Variants in MYO1D observed in about 807,000 individuals in gnomAD.
The protein encoded by MYO1D is unconventional myosin-Id.
In MYO1D, 83 loss-of-function variants were observed where a neutral mutation model predicts 122.0. That is an observed-to-expected ratio of 0.68 (90% CI 0.57 to 0.82). The LOEUF is 0.82. Ranked by LOEUF, MYO1D falls within the 40% of genes least tolerant of loss-of-function variation. The pLI is 0.00. For synonymous variants in MYO1D, 464 were observed against 446.9 expected, an observed-to-expected ratio of 1.04 and a Z score of -0.48; for missense variants, 1,157 against 1,269.5, an observed-to-expected ratio of 0.91 and a Z score of 1.35.
chr17:32,548,277 A>T lies in MYO1D; in HGVS notation c.2865-53362T>A, dbSNP rs2086981493. Among the ~76,000 whole-genome samples the T allele has an allele frequency of 2.0e-5, 3 of 151,832 alleles. No individual in the cohort carries two copies. In the South Asian group the frequency reaches 6.2e-4, roughly 32 times the overall value. ...TTTTTGTCTCTACAAAAAATACAAAAAATTAACTGGGCATGGTGGTGCACG... is the reference window on the plus strand; with the variant it reads ...TTTTTGTCTCTACAAAAAATACAAATAATTAACTGGGCATGGTGGTGCACG... On this transcript the variant is annotated intron_variant, in intron 21 of 21. Coordinates refer to ENST00000318217, the MANE Select transcript of MYO1D (RefSeq NM_015194.3).
chr17:32,856,989 G>A (rs1183044182), intron 1 of MYO1D, among the ~76,000 whole-genome samples: 1 of 152,188 alleles, frequency 6.6e-6, no homozygotes, highest in East Asian at 1.9e-4. Flanking sequence ...AGCAGGGGTA[G>A]CAGAAATGTC....
At position 32,806,866 on chromosome 17, in the gene MYO1D, CAGGAA is replaced by C. The variant is rs2090518301; in HGVS notation, c.96-26087_96-26083del. Reference sequence around the variant, plus strand: ...GCCTGCCCTTTAGTTCCAGCATATTCAGGAAAGGAGTGGTGCAGAGTCAACAGTGA... The same window carrying C: ...GCCTGCCCTTTAGTTCCAGCATATTCAGGAGTGGTGCAGAGTCAACAGTGA... On this transcript the variant is annotated intron_variant, in intron 1 of 21. Coordinates refer to ENST00000318217, the MANE Select transcript of MYO1D (RefSeq NM_015194.3). Among the ~76,000 whole-genome samples the C allele has an allele frequency of 2.0e-5, 3 of 152,270 alleles. No individual in the cohort carries two copies. The South Asian group carries it at 6.2e-4, about 32-fold the overall frequency.
At chr17:32,552,415 T>TCCAC (rs1311684673) in intron 21 of MYO1D, among the ~76,000 whole-genome samples, 3 of 134,874 alleles carry the variant, frequency 2.2e-5, no homozygotes, top group African/African-American at 5.2e-5. Flanking sequence ...CATCCATCCA[T>TCCAC]CCACCCATCC....
At chr17:32,620,720 G>C (rs2087844390) in intron 20 of MYO1D, among the ~76,000 whole-genome samples, 1 of 152,132 alleles carries the variant, frequency 6.6e-6, no homozygotes, top group Non-Finnish European at 1.5e-5. Context: ...TTTAGAACTT[G>C]AAGGCCCAAC....
At chr17:32,870,397 G>GT (rs1170057192) in intron 1 of MYO1D, among the ~76,000 whole-genome samples, 5 of 152,094 alleles carry the variant, frequency 3.3e-5, no homozygotes, top group East Asian at 1.9e-4. Flanking sequence ...GTATCTATGG[G>GT]TTTTTTTCCC....
At chr17:32,500,036 T>C (rs183726504) in intron 21 of MYO1D, among the ~76,000 whole-genome samples, 116 of 152,336 alleles carry the variant, frequency 7.6e-4, no homozygotes, top group African/African-American at 2.7e-3. Context: ...ACACCACATG[T>C]ACTGGTCTCC....
In MYO1D at chr17:32,738,117, C is replaced by A. The variant is rs545329566; in HGVS notation, c.1746+136G>T. 1.3e-5 allele frequency: 9 copies of A among 716,746 alleles called. 1 individual carries two copies. The South Asian group carries it at 3.7e-4, about 29-fold the overall frequency. The allele number at this position is 716,746 out of a possible 1,614,324, so 44.4% of individuals were successfully genotyped here. A position where few individuals can be genotyped will look rare whatever the true frequency, so the allele number is the denominator to read the frequency against. On this transcript the variant is annotated intron_variant, in intron 14 of 21. Transcript: ENST00000318217. ...TTTTAAAAATGCAGGAATAAAAATT[C>A]TATTATAACATTCACTTTATACATA...
At chr17:32,693,971 G>A (rs1213655950) in intron 16 of MYO1D, among the ~76,000 whole-genome samples, 1 of 152,142 alleles carries the variant, frequency 6.6e-6, no homozygotes, top group Non-Finnish European at 1.5e-5. Context: ...TTGCCAATAT[G>A]TTAAATACTA....
intron 16 of MYO1D, among the ~76,000 whole-genome samples, chr17:32,709,784 G>C (rs1469419810): frequency 6.6e-6 from 1 of 151,984 alleles, no homozygotes; most frequent in African/African-American, 2.4e-5. Context: ...ATCAAGAAAG[G>C]TTTTGTTCTA....
At chr17:32,563,892 T>G (rs2087149266) in intron 21 of MYO1D, among the ~76,000 whole-genome samples, 2 of 152,256 alleles carry the variant, frequency 1.3e-5, no homozygotes, top group Non-Finnish European at 2.9e-5. Flanking sequence ...AAACCCCTTT[T>G]GATTCAGTAT....
At chr17:32,711,214 G>A (rs1385993207) in intron 16 of MYO1D, among the ~76,000 whole-genome samples, 1 of 152,218 alleles carries the variant, frequency 6.6e-6, no homozygotes. Flanking sequence ...GCCTTGCACA[G>A]ATCAATGATG....
intron 21 of MYO1D, among the ~76,000 whole-genome samples, chr17:32,501,108 T>A (rs550418779): frequency 6.6e-6 from 1 of 152,020 alleles, no homozygotes; most frequent in South Asian, 2.1e-4. Context: ...CCTGGGTATA[T>A]ACCCAAAAGA....
At chr17:32,520,575 G>A (rs1466680237) in intron 21 of MYO1D, among the ~76,000 whole-genome samples, 1 of 152,224 alleles carries the variant, frequency 6.6e-6, no homozygotes, top group African/African-American at 2.4e-5. Flanking sequence ...TGAATAATAG[G>A]CGTGTGACAG....
intron 16 of MYO1D, among the ~76,000 whole-genome samples, chr17:32,710,850 T>A (rs1381452707): frequency 3.3e-5 from 5 of 151,986 alleles, no homozygotes; most frequent in African/African-American, 1.2e-4. Flanking sequence ...ATCAGAGAAA[T>A]ACAAAGTAAA....
chr17:32,767,896 T>A (rs1218203573), intron 6 of MYO1D, 144 bp from the exon 7 acceptor site: 1 of 593,726 alleles, frequency 1.7e-6, no homozygotes, highest in African/African-American at 1.9e-5. Flanking sequence ...AAAATAAAAA[T>A]GATTTCACGA....
At chr17:32,588,360 G>A (rs1426601957) in intron 21 of MYO1D, among the ~76,000 whole-genome samples, 2 of 152,192 alleles carry the variant, frequency 1.3e-5, no homozygotes, top group East Asian at 3.8e-4. Context: ...TAGTTCTTTG[G>A]AAGCATCTGA....
intron 1 of MYO1D, among the ~76,000 whole-genome samples, chr17:32,793,247 G>A (rs1203463761): frequency 1.3e-5 from 2 of 151,352 alleles, no homozygotes; most frequent in African/African-American, 2.4e-5. Flanking sequence ...TGTACTCAAA[G>A]GCTTATATAA....
At chr17:32,873,958 C>G (rs1359580106) in intron 1 of MYO1D, among the ~76,000 whole-genome samples, 1 of 152,222 alleles carries the variant, frequency 6.6e-6, no homozygotes, top group Admixed American at 6.5e-5. Flanking sequence ...CCAACCCCTT[C>G]CCTTCCAAAC....
intron 2 of MYO1D, 111 bp downstream of exon 2, chr17:32,780,465 G>A: frequency 2.8e-6 from 3 of 1,060,176 alleles, no homozygotes; most frequent in Non-Finnish European, 4.2e-6. Flanking sequence ...CTATAGAATT[G>A]CTCAGGCTTC....
Sources: allele counts gnomAD v4.1 joint callset (sites outside exome capture counted in the v4.1 genomes callset), GRCh38; gene constraint gnomAD v4.1.1; transcripts MANE v1.5; gene names NCBI Gene and HGNC (gene_info 2026-07-23, HGNC 2026-07-21).